The following PRR5L variants were observed in gnomAD, a reference collection of about 807,000 sequenced individuals.
PRR5L encodes proline-rich protein 5-like.
Under a neutral mutation model 36.4 loss-of-function variants are expected in PRR5L, and 21 were observed. That is an observed-to-expected ratio of 0.58 (90% CI 0.41 to 0.83). The LOEUF (loss-of-function observed/expected upper bound fraction) is 0.83, where lower values mean the gene tolerates loss of function less well. Ranked by LOEUF, PRR5L falls within the 40% of genes least tolerant of loss-of-function variation. The pLI, the probability that PRR5L is intolerant of heterozygous loss-of-function variation, is 0.00. For missense variants in PRR5L, 381 were observed against 473.3 expected (o/e 0.80, Z 1.81); for synonymous variants, 188 against 197.0 (o/e 0.95, Z 0.38).
rs528333541 is a variant in PRR5L, at chr11:36,443,582, G to C, written c.445-2718G>C. On this transcript the variant is annotated intron_variant, in intron 6 of 8. Transcript: ENST00000530639. ...TTCACAGGAGTGTTAAGAAGAGTAA[G>C]TGAGATAATACTTGAAAAGCACTTA... 5.9e-5 allele frequency among the ~76,000 whole-genome samples: 9 copies of C among 152,290 alleles called. No individual in the cohort carries two copies. In the East Asian group the frequency reaches 1.7e-3, roughly 29 times the overall value.
At position 36,316,493 on chromosome 11, in the gene PRR5L, G is replaced by C. The variant is rs182072201; in HGVS notation, c.-126+20055G>C. ...TTTAAAGAGAATTTAGCAAGTAGGGGCTTGGGAAGTGGGAAGTGCTGATTG... is the reference window on the plus strand; with the variant it reads ...TTTAAAGAGAATTTAGCAAGTAGGGCCTTGGGAAGTGGGAAGTGCTGATTG... On this transcript the variant is annotated intron_variant, in intron 1 of 8. Transcript: ENST00000530639. 1.8e-3 allele frequency among the ~76,000 whole-genome samples: 268 copies of C among 152,282 alleles called. 1 individual carries two copies. The highest frequency in any genetic ancestry group is 3.2e-3 in the Non-Finnish European group (216 of 68,020).
chr11:36,372,976 T>TTTTG (rs143748915), intron 1 of PRR5L, among the ~76,000 whole-genome samples: 1 of 146,664 alleles, frequency 6.8e-6, no homozygotes, highest in Non-Finnish European at 1.5e-5. Flanking sequence ...TGCCTAATAG[T>TTTTG]TGTGTGTGTG....
At chr11:36,363,836 C>T (rs150897528) in intron 1 of PRR5L, among the ~76,000 whole-genome samples, 3 of 152,198 alleles carry the variant, frequency 2.0e-5, no homozygotes, top group East Asian at 1.9e-4. Context: ...TCCAGTAGGA[C>T]GAACAGGAAC....
At chr11:36,365,343 C>T (rs1857133494) in intron 1 of PRR5L, among the ~76,000 whole-genome samples, 2 of 152,026 alleles carry the variant, frequency 1.3e-5, no homozygotes, top group Admixed American at 1.3e-4. Flanking sequence ...TGAGTAGACT[C>T]AATTAAGATC....
At chr11:36,406,161 C>T (rs1267099280) in intron 3 of PRR5L, among the ~76,000 whole-genome samples, 1 of 151,868 alleles carries the variant, frequency 6.6e-6, no homozygotes, top group African/African-American at 2.4e-5. Flanking sequence ...TCTCTTATCA[C>T]ATCCTGTGAC....
chr11:36,456,487 G>A (rs1859061085), intron 8 of PRR5L, among the ~76,000 whole-genome samples: 1 of 152,232 alleles, frequency 6.6e-6, no homozygotes, highest in Admixed American at 6.5e-5. Context: ...AATAGGCTTT[G>A]TGACTTCTCT....
rs115362228 is a variant in PRR5L at position 36,424,736 on chromosome 11, G to A, written c.294+5433G>A. ...TGAAGGTTCTCAAAGTATGGTCCCCGAACCAGGAGCTTCAGTATCAGCTGG... is the reference window on the plus strand; with the variant it reads ...TGAAGGTTCTCAAAGTATGGTCCCCAAACCAGGAGCTTCAGTATCAGCTGG... On this transcript the variant is annotated intron_variant, in intron 4 of 8. Coordinates refer to ENST00000530639, the MANE Select transcript of PRR5L (RefSeq NM_001160167.2). Among the ~76,000 whole-genome samples the A allele has an allele frequency of 3.3e-3, 496 of 152,244 alleles. 4 individuals carry two copies. Among genetic ancestry groups the A allele is most frequent in the African/African-American group, 0.012 (481 of 41,542 alleles).
At chr11:36,419,160 C>G in intron 3 of PRR5L, 95 bp from the exon 4 acceptor site, 1 of 1,129,154 alleles carries the variant, frequency 8.9e-7, no homozygotes, top group Non-Finnish European at 1.4e-6. Context: ...GATCTCAGAC[C>G]TGGCCCCACC....
intron 1 of PRR5L, among the ~76,000 whole-genome samples, chr11:36,311,854 C>G (rs894009588): frequency 1.1e-4 from 17 of 152,210 alleles, no homozygotes; most frequent in Admixed American, 1.1e-3. Context: ...ATAACAAAAG[C>G]TTGGAGACCA....
chr11:36,432,604 C>T (rs1026485036), intron 5 of PRR5L, among the ~76,000 whole-genome samples: 1 of 152,112 alleles, frequency 6.6e-6, no homozygotes, highest in Non-Finnish European at 1.5e-5. Flanking sequence ...CTAGTTTCTC[C>T]AAGTCTCAGC....
At chr11:36,373,721 T>A (rs1483454417) in intron 1 of PRR5L, among the ~76,000 whole-genome samples, 1 of 152,220 alleles carries the variant, frequency 6.6e-6, no homozygotes, top group Non-Finnish European at 1.5e-5. Context: ...TATGGCATGC[T>A]CGTATGTTGT....
intron 1 of PRR5L, among the ~76,000 whole-genome samples, chr11:36,352,876 G>A (rs1856990314): frequency 6.6e-6 from 1 of 152,200 alleles, no homozygotes; most frequent in African/African-American, 2.4e-5. Flanking sequence ...CTGGAGGGGT[G>A]GACAGCCATA....
In PRR5L at chr11:36,377,079, A is replaced by C. The variant is rs899572311; in HGVS notation, c.-125-23918A>C. On this transcript the variant is annotated intron_variant, in intron 1 of 8. Coordinates refer to ENST00000530639, the MANE Select transcript of PRR5L (RefSeq NM_001160167.2). The surrounding 1 kb of genome is among the most constrained non-coding windows in gnomAD (Gnocchi z 5.1). The stretch of plus-strand genomic sequence containing the variant: ...TCGAAAAAGAAAGTCGGCTTGTTTG[A>C]CTCTCTCGTTCTCCCTCTGGGGGGC... 1.3e-5 allele frequency among the ~76,000 whole-genome samples: 2 copies of C among 151,000 alleles called. No individual in the cohort carries two copies. Among genetic ancestry groups the C allele is most frequent in the Non-Finnish European group, 1.5e-5 (1 of 67,694 alleles).
chr11:36,454,385 C>T (rs907696703), intron 8 of PRR5L, among the ~76,000 whole-genome samples: 3 of 152,136 alleles, frequency 2.0e-5, no homozygotes, highest in African/African-American at 2.4e-5. Flanking sequence ...TCAGGGCCTC[C>T]GTCTACCCCT....
chr11:36,375,424 C>A (rs536517686), intron 1 of PRR5L, among the ~76,000 whole-genome samples: 1 of 152,084 alleles, frequency 6.6e-6, no homozygotes, highest in Non-Finnish European at 1.5e-5. Flanking sequence ...CTCTCATGCC[C>A]ACAACCACCG....
At chr11:36,430,309 G>A (rs1590580236) in intron 4 of PRR5L, among the ~76,000 whole-genome samples, 1 of 152,252 alleles carries the variant, frequency 6.6e-6, no homozygotes, top group Middle Eastern at 3.4e-3. Flanking sequence ...CTACACAGGA[G>A]GCTGAGGTGG....
Position 36,351,323 on chromosome 11 carries a change from A to T in PRR5L, c.-125-49674A>T, listed in dbSNP as rs1248802132. On this transcript the variant is annotated intron_variant, in intron 1 of 8. Coordinates refer to ENST00000530639, the MANE Select transcript of PRR5L (RefSeq NM_001160167.2). ...ATATATATATTTATATATATTTATA[A>T]ATATTTATATATATTTATAATATAT... Among the ~76,000 whole-genome samples the T allele has an allele frequency of 2.0e-3, 136 of 68,912 alleles. 1 individual carries two copies. The highest frequency in any genetic ancestry group is 0.013 in the East Asian group (16 of 1,226). The allele number at this position is 68,912 out of a possible 152,430, so 45.2% of individuals were successfully genotyped here. A position where few individuals can be genotyped will look rare whatever the true frequency, so the allele number is the denominator to read the frequency against.
At chr11:36,426,467 G>A (rs1051409202) in intron 4 of PRR5L, among the ~76,000 whole-genome samples, 3 of 152,190 alleles carry the variant, frequency 2.0e-5, no homozygotes, top group Non-Finnish European at 4.4e-5. Context: ...GTGAGATGAC[G>A]TACACAAAGT....
At chr11:36,434,993 C>T (rs1225376147) in intron 5 of PRR5L, among the ~76,000 whole-genome samples, 1 of 152,118 alleles carries the variant, frequency 6.6e-6, no homozygotes, top group African/African-American at 2.4e-5. Flanking sequence ...CAGTGCTGAC[C>T]TGCAAGGTTC....
Sources: allele counts gnomAD v4.1 joint callset (sites outside exome capture counted in the v4.1 genomes callset), GRCh38; gene constraint gnomAD v4.1.1; non-coding constraint Gnocchi (gnomAD v3.1); transcripts MANE v1.5; gene names NCBI Gene and HGNC (gene_info 2026-07-23, HGNC 2026-07-21).